The following LSM14A variants were observed in gnomAD, a reference collection of about 807,000 sequenced individuals.
LSM14A encodes protein LSM14 homolog A.
In LSM14A, 14 loss-of-function variants were observed where a neutral mutation model predicts 52.4. The ratio of observed to expected loss-of-function variants is 0.27; its 90% CI spans 0.18 to 0.42. LSM14A has a LOEUF of 0.42. Ranked by LOEUF, LSM14A falls within the 10% of genes least tolerant of loss-of-function variation. The probability of loss-of-function intolerance (pLI) is 1.00; values close to 1 mark genes in which losing one functional copy is unlikely to be tolerated. For synonymous variants in LSM14A, 185 were observed against 200.3 expected (o/e 0.92, Z 0.64); for missense variants, 417 against 581.8 (o/e 0.72, Z 2.91).
chr19:34,221,043 A>G (rs1295710671), intron 8 of LSM14A, among the ~76,000 whole-genome samples: 1 of 151,234 alleles, frequency 6.6e-6, no homozygotes, highest in Admixed American at 6.6e-5. Context: ...TATTGAACTC[A>G]TATGCCATGA....
At chr19:34,187,263 A>G (rs2069987569) in intron 1 of LSM14A, among the ~76,000 whole-genome samples, 4 of 151,128 alleles carry the variant, frequency 2.6e-5, no homozygotes, top group East Asian at 1.9e-4. Flanking sequence ...AAAAAAAAAA[A>G]GTTCAGGCTT....
At chr19:34,193,429 G>A (rs182611872) in intron 1 of LSM14A, among the ~76,000 whole-genome samples, 1 of 152,252 alleles carries the variant, frequency 6.6e-6, no homozygotes, top group East Asian at 1.9e-4. Flanking sequence ...CCATAGTGCT[G>A]GGATTACAGG....
intron 3 of LSM14A, among the ~76,000 whole-genome samples, chr19:34,204,538 C>T (rs755072085): frequency 1.4e-5 from 2 of 142,240 alleles, no homozygotes; most frequent in African/African-American, 2.7e-5. Flanking sequence ...ATAGGGAGAC[C>T]TTGTCTCTGC....
Position 34,189,360 on chromosome 19 carries a change from T to C in LSM14A, c.122-5118T>C, listed in dbSNP as rs571791629. On this transcript the variant is annotated intron_variant, in intron 1 of 9. Coordinates refer to ENST00000544216, the MANE Select transcript of LSM14A (RefSeq NM_015578.4). ...GACCTTCAAATCCAATTCAGTGATA[T>C]CAAATCCAAGTAAGCAAATAGACTG... Among the ~76,000 whole-genome samples, 11 of 152,276 alleles carry C rather than the reference T, an allele frequency of 7.2e-5. No individual in the cohort carries two copies. The South Asian group carries it at 2.3e-3, about 32-fold the overall frequency.
chr19:34,196,828 A>G lies in LSM14A; in HGVS notation c.415+65A>G, dbSNP rs2145665633. 2.1e-6 allele frequency: 3 copies of G among 1,412,864 alleles called. No individual in the cohort carries two copies. The East Asian group carries it at 7.1e-5, about 34-fold the overall frequency. 87.5% of individuals were successfully genotyped at this position (1,412,864 alleles called of 1,614,324 possible). ...CTTCCTTTCTTTACCACAAAGGTAT[A>G]GAAACTCAACACCAACTATTAGAAA... On this transcript the variant is annotated intron_variant, in intron 3 of 9. Transcript: ENST00000544216.
chr19:34,172,835 CG>C, intron 1 of LSM14A, 72 bp downstream of exon 1: 4 of 1,460,794 alleles, frequency 2.7e-6, no homozygotes, highest in Non-Finnish European at 3.6e-6. Flanking sequence ...CTCCGGCCCG[CG>C]GCCTCCTCGT....
At chr19:34,194,703 T>G (rs1164210016) in intron 2 of LSM14A, 62 bp downstream of exon 2, 8 of 1,478,466 alleles carry the variant, frequency 5.4e-6, no homozygotes, top group East Asian at 4.5e-5. Context: ...AGCCTTGGCT[T>G]TTTTCTCTCT....
chr19:34,199,573 C>G (rs879848843), intron 3 of LSM14A, among the ~76,000 whole-genome samples: 1 of 152,080 alleles, frequency 6.6e-6, no homozygotes, highest in Non-Finnish European at 1.5e-5. Context: ...CCCTGTGGTG[C>G]TGAATGTAAA....
At chr19:34,211,794 C>T (rs540702502) in intron 4 of LSM14A, among the ~76,000 whole-genome samples, 1 of 144,222 alleles carries the variant, frequency 6.9e-6, no homozygotes, top group Non-Finnish European at 1.5e-5. Context: ...TGTCCCCCCC[C>T]AAAAAAAAAA....
In LSM14A at chr19:34,172,687, C is replaced by T. The variant is rs2068785542; in HGVS notation, c.45C>T (p.Ile15=). 1 of 1,581,236 alleles carries T rather than the reference C, an allele frequency of 6.3e-7. No individual in the cohort carries two copies. Among genetic ancestry groups the T allele is most frequent in the South Asian group, 1.1e-5 (1 of 87,470 alleles). Reference sequence around the variant, plus strand: ...ACATCGGCAGCAAGATCAGCCTCATCTCCAAGGCGGAGATCCGCTACGAGG... The same window carrying T: ...ACATCGGCAGCAAGATCAGCCTCATTTCCAAGGCGGAGATCCGCTACGAGG... ...TPYIGSKISL[I]SKAEIRYEGI... is the part of the protein sequence containing the mutation. The change falls in exon 1 of 10, where the codon ATC becomes ATT. Residue 15 remains isoleucine, a synonymous_variant. Coordinates refer to ENST00000544216, the MANE Select transcript of LSM14A (RefSeq NM_015578.4).
chr19:34,215,364 T>G (rs1450186075), intron 5 of LSM14A, 64 bp downstream of exon 5: 3 of 1,409,510 alleles, frequency 2.1e-6, no homozygotes, highest in Non-Finnish European at 2.9e-6. Flanking sequence ...CACTTTATTT[T>G]CATTAGAAGG....
chr19:34,221,667 GC>G lies in LSM14A; in HGVS notation c.1301del (p.Pro434LeufsTer37). 1.2e-6 allele frequency: 2 copies of G among 1,614,104 alleles called. No homozygotes were observed. The highest frequency in any genetic ancestry group is 1.7e-6 in the Non-Finnish European group (2 of 1,180,018). On this transcript the variant is annotated frameshift_variant, in exon 9 of 10. Coordinates refer to ENST00000544216, the MANE Select transcript of LSM14A (RefSeq NM_015578.4). LOFTEE classifies it high-confidence loss of function. Reference protein sequence around the residue: ...RGGGRGGTFTAPRGFRGGFRG... With the variant: ...RGGGRGGTFTXPRGFRGGFRG... ...TGGTGGCAGAGGTGGTACCTTCACTGCCCCTCGAGGATTTCGCGGTGGATTC... is the reference window on the plus strand; with the variant it reads ...TGGTGGCAGAGGTGGTACCTTCACTGCCCTCGAGGATTTCGCGGTGGATTC...
At chr19:34,204,578 G>A (rs2071543432) in intron 3 of LSM14A, among the ~76,000 whole-genome samples, 2 of 151,796 alleles carry the variant, frequency 1.3e-5, no homozygotes, top group Admixed American at 6.6e-5. Context: ...AAGTAGCTGG[G>A]TGTGGTTGTA....
Position 34,175,375 on chromosome 19 carries a change from C to T in LSM14A, c.121+2612C>T, listed in dbSNP as rs186552035. On this transcript the variant is annotated intron_variant, in intron 1 of 9. Transcript: ENST00000544216. ...CCTCCTGAGTAGCTGGGATTACTGGCGCGTGCCACCACGCTTGGCTAATTT... is the reference window on the plus strand; with the variant it reads ...CCTCCTGAGTAGCTGGGATTACTGGTGCGTGCCACCACGCTTGGCTAATTT... 1.7e-4 allele frequency among the ~76,000 whole-genome samples: 26 copies of T among 152,196 alleles called. No individual in the cohort carries two copies. The East Asian group carries it at 3.5e-3, about 20-fold the overall frequency.
rs555640575 is a variant in LSM14A at position 34,227,443 on chromosome 19, C to G, written c.*55C>G. 1.9e-4 allele frequency: 244 copies of G among 1,315,624 alleles called. No individual in the cohort carries two copies. Among genetic ancestry groups the G allele is most frequent in the Non-Finnish European group, 2.1e-5 (20 of 946,986 alleles). 81.5% of individuals were successfully genotyped at this position (1,315,624 alleles called of 1,614,324 possible). A position where few individuals can be genotyped will look rare whatever the true frequency, so the allele number is the denominator to read the frequency against. On this transcript the variant is annotated 3_prime_UTR_variant, in exon 10 of 10. Coordinates refer to ENST00000544216, the MANE Select transcript of LSM14A (RefSeq NM_015578.4). Reference sequence around the variant, plus strand: ...ATTTCTAGCTCTTCATGGTCCTGAACATTGATTTCAGTCTTTGCAAAGAAT... The same window carrying G: ...ATTTCTAGCTCTTCATGGTCCTGAAGATTGATTTCAGTCTTTGCAAAGAAT...
At chr19:34,215,383 C>A (rs1217368070) in intron 5 of LSM14A, 83 bp downstream of exon 5, 1 of 1,315,604 alleles carries the variant, frequency 7.6e-7, no homozygotes, top group African/African-American at 1.5e-5. Context: ...GGATTTACTT[C>A]ATGTGAATGA....
chr19:34,182,265 G>A (rs2145522052), intron 1 of LSM14A, among the ~76,000 whole-genome samples: 1 of 152,244 alleles, frequency 6.6e-6, no homozygotes, highest in South Asian at 2.1e-4. Flanking sequence ...GTGAACCTAT[G>A]TTTTCTTGTG....
chr19:34,206,058 AC>A (rs1188651513), intron 3 of LSM14A, among the ~76,000 whole-genome samples: 3 of 152,186 alleles, frequency 2.0e-5, no homozygotes, highest in Admixed American at 6.5e-5. Flanking sequence ...TAGCAAACCA[AC>A]ACAAGAGGAA....
intron 3 of LSM14A, among the ~76,000 whole-genome samples, chr19:34,198,344 C>T (rs1347367386): frequency 2.6e-5 from 4 of 152,180 alleles, no homozygotes; most frequent in African/African-American, 4.8e-5. Flanking sequence ...GAGCTGGGCG[C>T]GGTGGCTCAC....
Sources: gnomAD v4.1 joint callset for allele counts (sites outside exome capture counted in the v4.1 genomes callset) on GRCh38, gnomAD v4.1.1 for gene constraint, MANE v1.5 for transcripts, NCBI Gene and HGNC (gene_info 2026-07-23, HGNC 2026-07-21) for gene names.